SUFU: variants seen among roughly 807,000 people sequenced by gnomAD.
The protein encoded by SUFU is suppressor of fused homolog.
A neutral mutation model predicts 58.9 loss-of-function variants in SUFU; 7 were observed. The observed-to-expected ratio is 0.12, with a 90% CI of 0.07 to 0.22. The LOEUF (loss-of-function observed/expected upper bound fraction) is 0.22, where lower values mean the gene tolerates loss of function less well. Ranked by LOEUF, SUFU falls within the 10% of genes least tolerant of loss-of-function variation. The pLI is 1.00. For synonymous variants in SUFU, 232 were observed against 254.8 expected (o/e 0.91, Z 0.85); for missense variants, 451 against 641.3 (o/e 0.70, Z 3.20).
chr10:102,568,898 ATAT>A lies in SUFU; in HGVS notation c.454+18793_454+18795del, dbSNP rs1220745696. Among the ~76,000 whole-genome samples the A allele has an allele frequency of 2.7e-3, 16 of 5,960 alleles. 2 individuals carry two copies. Among genetic ancestry groups the A allele is most frequent in the Non-Finnish European group, 4.9e-3 (16 of 3,294 alleles). 3.9% of individuals were successfully genotyped at this position (5,960 alleles called of 152,430 possible). On this transcript the variant is annotated intron_variant, in intron 3 of 11. Transcript: ENST00000369902. Reference sequence around the variant, plus strand: ...TCAAAAAAAAAAAAAAAAAAAAAAAATATATATATATATATATATATACACATA... The same window carrying A: ...TCAAAAAAAAAAAAAAAAAAAAAAAAATATATATATATATATATACACATA...
At chr10:102,608,230 CA>C (rs76665733) in intron 8 of SUFU, among the ~76,000 whole-genome samples, 68,682 of 150,094 alleles carry the variant, frequency 0.46, 15,957 homozygotes, top group East Asian at 0.68. Context: ...TCTAAAAAAA[CA>C]AAAAAAAAAT....
At chr10:102,532,943 C>T (rs7919307) in intron 2 of SUFU, among the ~76,000 whole-genome samples, 1 of 152,036 alleles carries the variant, frequency 6.6e-6, no homozygotes, top group African/African-American at 2.4e-5. Flanking sequence ...CAGCAGGAGG[C>T]AGGAGATCAG....
chr10:102,602,653 C>G (rs1388774867), intron 8 of SUFU, among the ~76,000 whole-genome samples: 6 of 152,246 alleles, frequency 3.9e-5, no homozygotes, highest in Non-Finnish European at 7.3e-5. Flanking sequence ...TCTGGTCCCT[C>G]TACCACCTCA....
intron 3 of SUFU, among the ~76,000 whole-genome samples, chr10:102,590,355 C>T (rs1329008319): frequency 6.6e-6 from 1 of 151,582 alleles, no homozygotes; most frequent in African/African-American, 2.4e-5. Context: ...TTAGTAGAGA[C>T]GGGGTTTCAC....
chr10:102,531,544 A>G (rs2062678008), intron 2 of SUFU, among the ~76,000 whole-genome samples: 1 of 152,140 alleles, frequency 6.6e-6, no homozygotes. Flanking sequence ...AAAGGGGTAA[A>G]TCCTGTCCTG....
At chr10:102,620,163 G>T (rs1192224502) in intron 10 of SUFU, among the ~76,000 whole-genome samples, 2 of 152,192 alleles carry the variant, frequency 1.3e-5, no homozygotes, top group Admixed American at 1.3e-4. Context: ...TGAAATGGAG[G>T]GGCTGGGATG....
Position 102,617,870 on chromosome 10 carries a change from G to C in SUFU, c.1296+442G>C. The C allele has an allele frequency of 2.8e-6, 1 of 357,086 alleles. No homozygotes were observed. The highest frequency in any genetic ancestry group is 5.1e-6 in the Non-Finnish European group (1 of 197,966). The allele number at this position is 357,086 out of a possible 1,614,324, so 22.1% of individuals were successfully genotyped here. ...CAGTGGCATGTGTGCCTGGACCAGG[G>C]CTGGGCAGGCCTCAGTGGGAAGAGC... On this transcript the variant is annotated intron_variant, in intron 10 of 11. Transcript: ENST00000369902. The surrounding 1 kb of genome is among the most constrained non-coding windows in gnomAD (Gnocchi z 4.4).
At chr10:102,508,659 A>T (rs374581826) in intron 1 of SUFU, among the ~76,000 whole-genome samples, 2 of 152,226 alleles carry the variant, frequency 1.3e-5, no homozygotes, top group East Asian at 3.8e-4. Flanking sequence ...ACAAACTGTA[A>T]TTAACATAGG....
chr10:102,540,899 G>C (rs2062791626), intron 2 of SUFU, among the ~76,000 whole-genome samples: 2 of 151,824 alleles, frequency 1.3e-5, no homozygotes, highest in Admixed American at 6.6e-5. Context: ...GTGTGCGCCT[G>C]TAATCCCAGC....
chr10:102,621,680 C>G (rs2063741413), intron 10 of SUFU, among the ~76,000 whole-genome samples: 1 of 152,224 alleles, frequency 6.6e-6, no homozygotes, highest in South Asian at 2.1e-4. Context: ...TTGGCAGGCT[C>G]TTCCACTGTA....
intron 11 of SUFU, among the ~76,000 whole-genome samples, chr10:102,627,792 C>T (rs1288131576): frequency 6.6e-6 from 1 of 152,206 alleles, no homozygotes; most frequent in Non-Finnish European, 1.5e-5. Context: ...AGCTGGCAGG[C>T]CAGCTGTGGC....
At chr10:102,503,684 G>T (rs1249323144), upstream of SUFU, among the ~76,000 whole-genome samples, 1 of 152,200 alleles carries the variant, frequency 6.6e-6, no homozygotes, top group Non-Finnish European at 1.5e-5. Context: ...TTAGCAGCGC[G>T]TCAGCAAAAC....
Position 102,620,380 on chromosome 10 carries a change from C to T in SUFU, c.1296+2952C>T, listed in dbSNP as rs547595346. Among the ~76,000 whole-genome samples the T allele has an allele frequency of 5.9e-5, 9 of 152,314 alleles. No individual in the cohort carries two copies. The South Asian group carries it at 1.9e-3, about 32-fold the overall frequency. On this transcript the variant is annotated intron_variant, in intron 10 of 11. Coordinates refer to ENST00000369902, the MANE Select transcript of SUFU (RefSeq NM_016169.4). ...CCGGAGCCTGTGGAATGGCCCCAGA[C>T]AGGCCTCCACACCCACCTGCTCCAC...
chr10:102,627,278 C>T (rs542121073), intron 11 of SUFU, 35 bp downstream of exon 11: 9 of 1,585,946 alleles, frequency 5.7e-6, no homozygotes, highest in Middle Eastern at 3.3e-4. Context: ...CAACAGGTCC[C>T]GTCTCTGGGA....
chr10:102,533,523 G>A (rs1360897056), intron 2 of SUFU, among the ~76,000 whole-genome samples: 1 of 151,974 alleles, frequency 6.6e-6, no homozygotes. Context: ...ACAGTGAGCC[G>A]TGATCATGCC....
chr10:102,582,967 G>T (rs2135836958), intron 3 of SUFU, among the ~76,000 whole-genome samples: 1 of 152,320 alleles, frequency 6.6e-6, no homozygotes, highest in African/African-American at 2.4e-5. Flanking sequence ...GAGAGAGGAA[G>T]CCAGCTCCTG....
intron 2 of SUFU, among the ~76,000 whole-genome samples, chr10:102,513,128 T>C (rs1197671532): frequency 6.6e-6 from 1 of 152,156 alleles, no homozygotes; most frequent in Non-Finnish European, 1.5e-5. Flanking sequence ...TAATTGGCTT[T>C]GTACTGGGAT....
At chr10:102,538,271 C>T (rs1342378401) in intron 2 of SUFU, among the ~76,000 whole-genome samples, 1 of 152,134 alleles carries the variant, frequency 6.6e-6, no homozygotes, top group African/African-American at 2.4e-5. Context: ...TCATATAATA[C>T]CGCTACTTGT....
chr10:102,581,793 G>C (rs763709220), intron 3 of SUFU, among the ~76,000 whole-genome samples: 2 of 152,210 alleles, frequency 1.3e-5, no homozygotes, highest in Non-Finnish European at 2.9e-5. Flanking sequence ...CCAGCTCCGG[G>C]TGTTCACAGA....
Sources: gnomAD v4.1 joint callset for allele counts (sites outside exome capture counted in the v4.1 genomes callset) on GRCh38, gnomAD v4.1.1 for gene constraint, Gnocchi (gnomAD v3.1) non-coding constraint, MANE v1.5 for transcripts, NCBI Gene and HGNC (gene_info 2026-07-23, HGNC 2026-07-21) for gene names.